BPIFA1: variants seen among roughly 807,000 people sequenced by gnomAD.
The protein encoded by BPIFA1 is BPI fold containing family A member 1, also known as BPI fold-containing family A member 1.
Under a neutral mutation model 25.1 loss-of-function variants are expected in BPIFA1, and 24 were observed. The observed-to-expected ratio is 0.96, with a 90% CI of 0.69 to 1.35. BPIFA1 has a LOEUF of 1.35. Among genes scored for constraint, BPIFA1 ranks in the 40% most tolerant of loss-of-function variants. BPIFA1 has a pLI of 0.00. For synonymous variants in BPIFA1, 139 were observed against 131.8 expected (o/e 1.05, Z -0.37); for missense variants, 344 against 303.7 (o/e 1.13, Z -0.99).
intron 5 of BPIFA1, among the ~76,000 whole-genome samples, chr20:33,240,682 GATAGAT>G (rs1423529776): frequency 4.8e-5 from 7 of 146,058 alleles, no homozygotes; most frequent in Non-Finnish European, 8.8e-5. Context: ...TAGATAGATA[GATAGAT>G]AAAGTAGTAC....
At chr20:33,237,985 A>G in intron 2 of BPIFA1, 70 bp from the exon 3 acceptor site, 2 of 1,527,974 alleles carry the variant, frequency 1.3e-6, no homozygotes, top group Admixed American at 1.9e-5. Context: ...ACAGGGCTGG[A>G]TGGGGGAGGG....
At position 33,239,868 on chromosome 20, in the gene BPIFA1, T is replaced by C. The variant is rs1978871841; in HGVS notation, c.386T>C (p.Leu129Pro). 2 of 1,614,180 alleles carry C rather than the reference T, an allele frequency of 1.2e-6. No individual in the cohort carries two copies. The highest frequency in any genetic ancestry group is 4.5e-5 in the East Asian group (2 of 44,886). ...GLVQSPDGHR[L>P]YVTIPLGIKL... ...GTGCAGAGCCCTGATGGCCACCGTCTCTATGTCACCATCCCTCTCGGCATA... is the reference window on the plus strand; with the variant it reads ...GTGCAGAGCCCTGATGGCCACCGTCCCTATGTCACCATCCCTCTCGGCATA... Residue 129 changes from leucine (L) to proline (P), a missense_variant, in exon 4 of 9, where the codon CTC becomes CCC. Transcript: ENST00000354297.
chr20:33,243,041 G>A (rs1318547861), intron 8 of BPIFA1, 66 bp from the exon 9 acceptor site: 5 of 162,586 alleles, frequency 3.1e-5, no homozygotes, highest in Non-Finnish European at 5.4e-5. Context: ...GTCCCTCTGG[G>A]GCATGAGTTT....
chr20:33,242,958 A>C (rs1364395234), intron 8 of BPIFA1, 149 bp from the exon 9 acceptor site: 1 of 192,218 alleles, frequency 5.2e-6, no homozygotes, highest in Non-Finnish European at 1.1e-5. Flanking sequence ...ACACAGACAC[A>C]CTCACTCAAA....
chr20:33,240,049 C>T (rs1978883910), intron 4 of BPIFA1, 139 bp downstream of exon 4: 4 of 1,331,078 alleles, frequency 3.0e-6, no homozygotes, highest in Non-Finnish European at 3.2e-6. Context: ...TGCTAAGTGG[C>T]CTTGGGTCAC....
At position 33,242,478 on chromosome 20, in the gene BPIFA1, TTTG is replaced by T; in HGVS notation, c.731-6_731-4del. On this transcript the variant is annotated splice_polypyrimidine_tract_variant and splice_region_variant and intron_variant, in intron 7 of 8. Coordinates refer to ENST00000354297, the MANE Select transcript of BPIFA1 (RefSeq NM_130852.3). The stretch of plus-strand genomic sequence containing the variant: ...CGTCTGTTTTTTTATTGCTTGTTTG[TTTG>T]TTTAGACATGCTGATCCACGGACTA... The T allele has an allele frequency of 6.2e-7, 1 of 1,614,038 alleles. No homozygotes were observed. Among genetic ancestry groups the T allele is most frequent in the Non-Finnish European group, 8.5e-7 (1 of 1,179,942 alleles).
chr20:33,236,097 G>A (rs1310094082), intron 1 of BPIFA1, 47 bp downstream of exon 1: 1 of 152,158 alleles, frequency 6.6e-6, no homozygotes, highest in Non-Finnish European at 1.5e-5. Context: ...TTAACGGCAG[G>A]GATCTCAGGC....
At chr20:33,236,831 C>T (rs1015657740) in intron 1 of BPIFA1, among the ~76,000 whole-genome samples, 2 of 152,198 alleles carry the variant, frequency 1.3e-5, no homozygotes, top group Non-Finnish European at 2.9e-5. Flanking sequence ...GGGAAAGTCA[C>T]TACCCCTCTT....
intron 7 of BPIFA1, 96 bp from the exon 8 acceptor site, chr20:33,242,391 C>T: frequency 6.9e-7 from 1 of 1,446,276 alleles, no homozygotes; most frequent in South Asian, 1.2e-5. Flanking sequence ...CTCCAGAGGC[C>T]TCCATTCCCT....
At chr20:33,237,491 T>A (rs1244651692) in intron 1 of BPIFA1, among the ~76,000 whole-genome samples, 1 of 152,134 alleles carries the variant, frequency 6.6e-6, no homozygotes, top group African/African-American at 2.4e-5. Context: ...GGTGCCCATG[T>A]CTTAGGGTTG....
rs76698094 is a variant in BPIFA1 at position 33,242,636 on chromosome 20, T to C, written c.*34+75T>C. The C allele has an allele frequency of 3.1e-4, 339 of 1,084,864 alleles. No individual in the cohort carries two copies. In the African/African-American group the frequency reaches 4.9e-3, roughly 16 times the overall value. The allele number at this position is 1,084,864 out of a possible 1,614,324, so 67.2% of individuals were successfully genotyped here. Reference sequence around the variant, plus strand: ...TCCTGGTAGAAGGCAGACGGGAGCTTGGGACAATGACATCCAAAGAAAGAG... The same window carrying C: ...TCCTGGTAGAAGGCAGACGGGAGCTCGGGACAATGACATCCAAAGAAAGAG... On this transcript the variant is annotated intron_variant, in intron 8 of 8. Coordinates refer to ENST00000354297, the MANE Select transcript of BPIFA1 (RefSeq NM_130852.3).
chr20:33,241,939 G>C, intron 6 of BPIFA1, 117 bp from the exon 7 acceptor site: 1 of 905,582 alleles, frequency 1.1e-6, no homozygotes, highest in Admixed American at 2.0e-5. Flanking sequence ...CTGTGGGATT[G>C]CTTAGAATCA....
chr20:33,240,688 TA>T (rs1322147442), intron 5 of BPIFA1, among the ~76,000 whole-genome samples: 140 of 133,980 alleles, frequency 1.0e-3, no homozygotes, highest in African/African-American at 5.2e-3. Flanking sequence ...GATAGATAGA[TA>T]AAGTAGTACT....
At chr20:33,240,184 C>T in intron 4 of BPIFA1, 49 bp from the exon 5 acceptor site, 8 of 1,600,912 alleles carry the variant, frequency 5.0e-6, no homozygotes, top group Non-Finnish European at 6.8e-6. Flanking sequence ...TAACCCTCTT[C>T]CTTGGAATGT....
At position 33,239,806 on chromosome 20, in the gene BPIFA1, A is replaced by G. The variant is rs778785291; in HGVS notation, c.324A>G (p.Ile108Met). Reference sequence around the variant, plus strand: ...TCCAATATTACTCCCTGGACAGCATAAAGGTCACTGACCCCCAGCTGCTGG... The same window carrying G: ...TCCAATATTACTCCCTGGACAGCATGAAGGTCACTGACCCCCAGCTGCTGG... ...VIPGLNNIID[I>M]KVTDPQLLEL... The change falls in exon 4 of 9, where the codon ATA (isoleucine) becomes ATG (methionine). Residue 108 changes from isoleucine to methionine, a missense_variant. Coordinates refer to ENST00000354297, the MANE Select transcript of BPIFA1 (RefSeq NM_130852.3). The G allele has an allele frequency of 3.7e-6, 6 of 1,613,848 alleles. No homozygotes were observed. In the South Asian group the frequency reaches 6.6e-5, roughly 18 times the overall value.
intron 8 of BPIFA1, among the ~76,000 whole-genome samples, chr20:33,242,876 A>G (rs536124179): frequency 3.9e-5 from 6 of 152,162 alleles, no homozygotes. Flanking sequence ...ACACAGACAC[A>G]CACACTCTCA....
chr20:33,241,604 G>T, intron 6 of BPIFA1, 135 bp downstream of exon 6: 1 of 783,482 alleles, frequency 1.3e-6, no homozygotes, highest in South Asian at 1.6e-5. Flanking sequence ...TTTGTCCATT[G>T]ATCCATCTGT....
intron 7 of BPIFA1, 56 bp downstream of exon 7, chr20:33,242,175 C>T: frequency 6.3e-7 from 1 of 1,575,172 alleles, no homozygotes; most frequent in Non-Finnish European, 8.7e-7. Context: ...CAACTTCCCC[C>T]AAGGAGTTTT....
At chr20:33,241,259 T>G in intron 5 of BPIFA1, 126 bp from the exon 6 acceptor site, 2 of 865,828 alleles carry the variant, frequency 2.3e-6, no homozygotes, top group Non-Finnish European at 1.9e-6. Flanking sequence ...TGCACGTGGG[T>G]GTAGATAGAC....
Sources: allele counts gnomAD v4.1 joint callset (sites outside exome capture counted in the v4.1 genomes callset), GRCh38; gene constraint gnomAD v4.1.1; transcripts MANE v1.5; gene names NCBI Gene and HGNC (gene_info 2026-07-23, HGNC 2026-07-21).